RNF111: variants seen among roughly 807,000 people sequenced by gnomAD.
The protein encoded by RNF111 is E3 ubiquitin-protein ligase Arkadia.
Under a neutral mutation model 95.1 loss-of-function variants are expected in RNF111, and 17 were observed. The observed-to-expected ratio is 0.18, with a 90% CI of 0.12 to 0.27. The LOEUF is 0.27. Ranked by LOEUF, RNF111 falls within the 10% of genes least tolerant of loss-of-function variation. RNF111 has a pLI of 1.00. For synonymous variants in RNF111, 440 were observed against 414.8 expected (o/e 1.06, Z -0.74); for missense variants, 1,189 against 1,210.4 (o/e 0.98, Z 0.26).
intron 1 of RNF111, among the ~76,000 whole-genome samples, chr15:59,002,228 G>C (rs2039353610): frequency 1.3e-5 from 2 of 152,096 alleles, no homozygotes; most frequent in African/African-American, 4.8e-5. Flanking sequence ...CTATTTTCTT[G>C]ACTATCTTCC....
chr15:59,067,329 C>A (rs1459955794), intron 6 of RNF111, among the ~76,000 whole-genome samples: 1 of 150,792 alleles, frequency 6.6e-6, no homozygotes, highest in Non-Finnish European at 1.5e-5. Context: ...TCTTCCCCTT[C>A]ATTCCTTCCC....
intron 6 of RNF111, among the ~76,000 whole-genome samples, chr15:59,069,035 C>A (rs1383852273): frequency 6.8e-6 from 1 of 147,734 alleles, no homozygotes; most frequent in South Asian, 2.1e-4. Context: ...GATCATGCCA[C>A]CACACTCCAG....
intron 1 of RNF111, among the ~76,000 whole-genome samples, chr15:59,013,662 A>T (rs1300176586): frequency 6.6e-6 from 1 of 152,102 alleles, no homozygotes; most frequent in East Asian, 1.9e-4. Flanking sequence ...TTTCTTGCCT[A>T]CTTGAGATTG....
chr15:59,012,115 T>C (rs1161966813), intron 1 of RNF111, among the ~76,000 whole-genome samples: 1 of 147,918 alleles, frequency 6.8e-6, no homozygotes, highest in East Asian at 2.1e-4. Context: ...GCCTCCTGAG[T>C]TCAGGTGATT....
At chr15:59,007,941 T>C (rs2039616247) in intron 1 of RNF111, among the ~76,000 whole-genome samples, 6 of 152,224 alleles carry the variant, frequency 3.9e-5, no homozygotes, top group Admixed American at 3.9e-4. Flanking sequence ...TATCTGTCTT[T>C]AGCTTACCAG....
chr15:59,069,126 C>G (rs1349431607), intron 6 of RNF111, among the ~76,000 whole-genome samples: 4 of 150,192 alleles, frequency 2.7e-5, no homozygotes, highest in Non-Finnish European at 5.9e-5. Flanking sequence ...TACAGCTGGT[C>G]CTATCAAGAG....
chr15:59,060,379 A>G (rs2142024914), intron 5 of RNF111, among the ~76,000 whole-genome samples: 1 of 152,238 alleles, frequency 6.6e-6, no homozygotes, highest in African/African-American at 2.4e-5. Context: ...CCAGGGACGC[A>G]GATCACTCGA....
intron 1 of RNF111, among the ~76,000 whole-genome samples, chr15:59,018,753 C>G (rs2040191207): frequency 6.6e-6 from 1 of 152,106 alleles, no homozygotes; most frequent in African/African-American, 2.4e-5. Context: ...ATGATCCATA[C>G]TTTCCATAAC....
rs2079188640 is a variant in RNF111, at chr15:59,097,356, A to T, written c.*2456A>T. ...TTTCTTACTCTGGTGACTTTCTTTT[A>T]GCTGCTAGCACACTTCAGCATTTGA... On this transcript the variant is annotated 3_prime_UTR_variant, in exon 14 of 14. Transcript: ENST00000348370. 6.6e-6 allele frequency: 1 copy of T among 152,336 alleles called. No individual in the cohort carries two copies. The highest frequency in any genetic ancestry group is 1.5e-5 in the Non-Finnish European group (1 of 68,030). 9.4% of individuals were successfully genotyped at this position (152,336 alleles called of 1,614,324 possible).
chr15:59,092,376 A>C, intron 12 of RNF111, 161 bp from the exon 13 acceptor site: 3 of 578,042 alleles, frequency 5.2e-6, no homozygotes, highest in Non-Finnish European at 8.2e-6. Flanking sequence ...GATGATAGTC[A>C]CTTAATTCAT....
intron 1 of RNF111, among the ~76,000 whole-genome samples, chr15:59,022,060 A>G (rs1458591865): frequency 1.3e-5 from 2 of 152,066 alleles, no homozygotes; most frequent in Admixed American, 1.3e-4. Flanking sequence ...GGGTATCACC[A>G]TGTTGGCCAG....
rs560574201 is a variant in RNF111 at position 59,084,315 on chromosome 15, A to G, written c.2423+61A>G. 4.1e-5 allele frequency: 58 copies of G among 1,415,132 alleles called. No homozygotes were observed. In the African/African-American group the frequency reaches 8.0e-4, roughly 19 times the overall value. The allele number at this position is 1,415,132 out of a possible 1,614,324, so 87.7% of individuals were successfully genotyped here. On this transcript the variant is annotated intron_variant, in intron 9 of 13. Coordinates refer to ENST00000348370, the MANE Select transcript of RNF111 (RefSeq NM_017610.8). ...CAGCTTGTGGTAAAACTATTGGAAG[A>G]GATGCCTTGTGATTGATTGCTTTGC...
At chr15:59,047,029 C>T (rs2041746200) in intron 2 of RNF111, among the ~76,000 whole-genome samples, 1 of 151,978 alleles carries the variant, frequency 6.6e-6, no homozygotes, top group African/African-American at 2.4e-5. Context: ...TGCCATGTTG[C>T]CCAGGCTGGT....
rs1328233794 is a variant in RNF111 at position 59,095,900 on chromosome 15, C to A, written c.*1000C>A. 2.5e-6 allele frequency: 1 copy of A among 396,888 alleles called. No individual in the cohort carries two copies. The highest frequency in any genetic ancestry group is 4.4e-6 in the Non-Finnish European group (1 of 225,204). The allele number at this position is 396,888 out of a possible 1,614,324, so 24.6% of individuals were successfully genotyped here. A position where few individuals can be genotyped will look rare whatever the true frequency, so the allele number is the denominator to read the frequency against. On this transcript the variant is annotated 3_prime_UTR_variant, in exon 14 of 14. Transcript: ENST00000348370. ...TGCATTCATAGAACTTATAAAGGTC[C>A]CAGGATCACTTTTAAGGGATTTTTA... is the stretch of plus-strand genomic sequence containing the variant.
At chr15:59,091,874 A>C (rs148770319) in intron 12 of RNF111, among the ~76,000 whole-genome samples, 1 of 152,106 alleles carries the variant, frequency 6.6e-6, no homozygotes, top group Non-Finnish European at 1.5e-5. Flanking sequence ...GATCCCTCAC[A>C]TGCACAGTTT....
At chr15:59,032,565 G>A (rs1357343619) in intron 2 of RNF111, among the ~76,000 whole-genome samples, 4 of 152,060 alleles carry the variant, frequency 2.6e-5, no homozygotes, top group African/African-American at 4.8e-5. Flanking sequence ...GGGACTACAG[G>A]CCCACACCAC....
At chr15:59,049,888 C>A (rs191943217) in intron 2 of RNF111, among the ~76,000 whole-genome samples, 1 of 148,692 alleles carries the variant, frequency 6.7e-6, no homozygotes, top group Admixed American at 6.7e-5. Flanking sequence ...ATTACAGGTG[C>A]GTGCCACCAC....
intron 1 of RNF111, among the ~76,000 whole-genome samples, chr15:59,007,700 C>G (rs147039771): frequency 0.015 from 2,226 of 152,068 alleles, 49 homozygotes; most frequent in African/African-American, 0.051. Context: ...TAGTTTTAGT[C>G]TTATTGGGTG....
chr15:59,005,339 T>A (rs911428099), intron 1 of RNF111, among the ~76,000 whole-genome samples: 2 of 152,180 alleles, frequency 1.3e-5, no homozygotes, highest in African/African-American at 4.8e-5. Context: ...AGGCTTTCAT[T>A]ACTATTCTCC....
Sources: gnomAD v4.1 joint callset for allele counts (sites outside exome capture counted in the v4.1 genomes callset) on GRCh38, gnomAD v4.1.1 for gene constraint, MANE v1.5 for transcripts, NCBI Gene and HGNC (gene_info 2026-07-23, HGNC 2026-07-21) for gene names.